Variants in TM7SF3 observed in about 807,000 individuals in gnomAD.
The protein encoded by TM7SF3 is transmembrane 7 superfamily member 3, also known as seven span transmembrane protein.
In TM7SF3, 60 loss-of-function variants were observed where a neutral mutation model predicts 65.5. That is an observed-to-expected ratio of 0.92 (90% CI 0.74 to 1.14). The LOEUF is 1.14. Among genes scored for constraint, TM7SF3 ranks in the 50% most tolerant of loss-of-function variants. The probability of loss-of-function intolerance (pLI) is 0.00; values close to 1 mark genes in which losing one functional copy is unlikely to be tolerated. For synonymous variants in TM7SF3, 264 were observed against 259.6 expected, an observed-to-expected ratio of 1.02 and a Z score of -0.16; for missense variants, 623 against 684.8, an observed-to-expected ratio of 0.91 and a Z score of 1.01.
intron 1 of TM7SF3, among the ~76,000 whole-genome samples, 196 bp downstream of exon 1, chr12:27,013,882 T>C (rs1054598169): frequency 1.3e-5 from 2 of 152,170 alleles, no homozygotes; most frequent in Non-Finnish European, 2.9e-5. Context: ...AGGAGGTTAA[T>C]AGTAAGACCT....
intron 1 of TM7SF3, among the ~76,000 whole-genome samples, chr12:27,010,894 G>T (rs1239171515): frequency 6.6e-6 from 1 of 151,804 alleles, no homozygotes; most frequent in Non-Finnish European, 1.5e-5. Context: ...TTTTCTTTCC[G>T]AATCAGATCC....
chr12:27,006,199 C>T lies in TM7SF3; in HGVS notation c.92-2809G>A, dbSNP rs368220431. ...CTGTCGCCAGGCTGGAGTGCAGTGG[C>T]GCAATCTTAGCTCACTGAAATCTCC... On this transcript the variant is annotated intron_variant, in intron 1 of 11. Transcript: ENST00000343028. 1.8e-4 allele frequency among the ~76,000 whole-genome samples: 25 copies of T among 136,022 alleles called. No homozygotes were observed. The South Asian group carries it at 5.3e-3, about 29-fold the overall frequency. 89.2% of individuals were successfully genotyped at this position (136,022 alleles called of 152,430 possible).
chr12:27,005,053 TATC>T (rs1299431707), intron 1 of TM7SF3, among the ~76,000 whole-genome samples: 5 of 152,238 alleles, frequency 3.3e-5, no homozygotes, highest in Non-Finnish European at 7.3e-5. Flanking sequence ...GCCTTCCCAT[TATC>T]ATGATTATTT....
At position 26,972,824 on chromosome 12, in the gene TM7SF3, A is replaced by T. The variant is rs1939414937; in HGVS notation, c.*1141T>A. The stretch of plus-strand genomic sequence containing the variant: ...ATATGTCATCTAATGCAGTTAAATT[A>T]AAGATCACCTGTTGACACTATTTGA... On this transcript the variant is annotated 3_prime_UTR_variant, in exon 12 of 12. Transcript: ENST00000343028. Among the ~76,000 whole-genome samples, 1 of 152,096 alleles carries T rather than the reference A, an allele frequency of 6.6e-6. No individual in the cohort carries two copies.
chr12:26,983,397 G>T, intron 6 of TM7SF3: 1 of 348,830 alleles, frequency 2.9e-6, no homozygotes, highest in Non-Finnish European at 5.7e-6. Context: ...TTAATTTGAT[G>T]CTATTAAAGA....
At chr12:26,976,002 C>T (rs1939547863) in intron 10 of TM7SF3, among the ~76,000 whole-genome samples, 1 of 152,172 alleles carries the variant, frequency 6.6e-6, no homozygotes, top group Admixed American at 6.5e-5. Context: ...GTAAGCACTA[C>T]CTTCTCTGCT....
rs1042145691 is a variant in TM7SF3 at position 26,973,074 on chromosome 12, A to T, written c.*891T>A. The T allele has an allele frequency of 4.6e-5, 7 of 152,154 alleles. No individual in the cohort carries two copies. In the East Asian group the frequency reaches 5.8e-4, roughly 13 times the overall value. 9.4% of individuals were successfully genotyped at this position (152,154 alleles called of 1,614,324 possible). On this transcript the variant is annotated 3_prime_UTR_variant, in exon 12 of 12. Coordinates refer to ENST00000343028, the MANE Select transcript of TM7SF3 (RefSeq NM_016551.3). ...TATTTTATCACAACTTAAAAATTTTAAAAAATACTGAAAAAAAAACAAAGG... is the reference window on the plus strand; with the variant it reads ...TATTTTATCACAACTTAAAAATTTTTAAAAATACTGAAAAAAAAACAAAGG...
intron 6 of TM7SF3, among the ~76,000 whole-genome samples, chr12:26,989,793 G>A (rs766578933): frequency 1.3e-5 from 2 of 151,910 alleles, no homozygotes; most frequent in African/African-American, 2.4e-5. Flanking sequence ...TCTTGCCTCC[G>A]TCTTTTCTCA....
At chr12:26,981,723 CA>C (rs772646779) in intron 7 of TM7SF3, among the ~76,000 whole-genome samples, 3 of 152,168 alleles carry the variant, frequency 2.0e-5, no homozygotes, top group Non-Finnish European at 4.4e-5. Flanking sequence ...ATCAGGATTA[CA>C]TTTGAGCTAC....
chr12:27,001,187 C>T (rs1011327902), intron 2 of TM7SF3, among the ~76,000 whole-genome samples: 3 of 152,264 alleles, frequency 2.0e-5, no homozygotes, highest in Middle Eastern at 3.4e-3. Context: ...CCACTCACTT[C>T]CTGAGCCATG....
At chr12:26,975,417 T>G in intron 11 of TM7SF3, 79 bp downstream of exon 11, 2 of 1,474,798 alleles carry the variant, frequency 1.4e-6, no homozygotes, top group South Asian at 2.5e-5. Flanking sequence ...AAATTTAGTT[T>G]CCAAGTGCTC....
chr12:27,011,924 T>C (rs1425812977), intron 1 of TM7SF3, among the ~76,000 whole-genome samples: 2 of 152,212 alleles, frequency 1.3e-5, no homozygotes, highest in Admixed American at 1.3e-4. Flanking sequence ...TTCTAGGTAT[T>C]AAATACTAAC....
intron 2 of TM7SF3, 100 bp downstream of exon 2, chr12:27,003,136 A>T (rs889556583): frequency 2.4e-6 from 2 of 831,594 alleles, no homozygotes; most frequent in Admixed American, 6.0e-5. Flanking sequence ...AAGATCATAA[A>T]CATAAAAGAG....
Position 26,978,744 on chromosome 12 carries a change from ATTT to A in TM7SF3, c.1189+1037_1189+1039del, listed in dbSNP as rs4036423. On this transcript the variant is annotated intron_variant, in intron 9 of 11. Coordinates refer to ENST00000343028, the MANE Select transcript of TM7SF3 (RefSeq NM_016551.3). ...AGGTGTGCACTACAACACCTGGCTAATTTTTTTTTTTTTTTTTTCAGTAGAGAT... is the reference window on the plus strand; with the variant it reads ...AGGTGTGCACTACAACACCTGGCTAATTTTTTTTTTTTTTTCAGTAGAGAT... 362 of 141,548 alleles carry A rather than the reference ATTT, an allele frequency of 2.6e-3. 2 individuals carry two copies. The highest frequency in any genetic ancestry group is 7.6e-3 in the East Asian group (37 of 4,894). 8.8% of individuals were successfully genotyped at this position (141,548 alleles called of 1,614,324 possible).
chr12:27,004,714 T>C (rs993614657), intron 1 of TM7SF3, among the ~76,000 whole-genome samples: 8 of 152,234 alleles, frequency 5.3e-5, no homozygotes, highest in Admixed American at 6.5e-5. Flanking sequence ...AACCTCTATA[T>C]ATTTTCCCTA....
chr12:26,985,019 A>G (rs1344858281), intron 6 of TM7SF3, among the ~76,000 whole-genome samples: 1 of 152,218 alleles, frequency 6.6e-6, no homozygotes, highest in Non-Finnish European at 1.5e-5. Context: ...TGAGAGTAAC[A>G]ATAGAACTAA....
At chr12:26,989,668 T>C (rs60281384) in intron 6 of TM7SF3, among the ~76,000 whole-genome samples, 33,288 of 150,574 alleles carry the variant, frequency 0.22, 3,816 homozygotes, top group East Asian at 0.39. Context: ...AACTGCTAAA[T>C]ACACACACAC....
In TM7SF3 at chr12:26,998,530, G is replaced by C. The variant is rs566843996; in HGVS notation, c.397+996C>G. 2.0e-5 allele frequency among the ~76,000 whole-genome samples: 3 copies of C among 152,186 alleles called. No homozygotes were observed. In the South Asian group the frequency reaches 6.2e-4, roughly 32 times the overall value. ...ATAACCCTGTTCCTACACCTATTTT[G>C]TATCACTATTTCCCTGCTGCCCAAA... On this transcript the variant is annotated intron_variant, in intron 3 of 11. Transcript: ENST00000343028.
At chr12:26,980,036 T>C in intron 8 of TM7SF3, 100 bp from the exon 9 acceptor site, 1 of 1,428,180 alleles carries the variant, frequency 7.0e-7, no homozygotes, top group Non-Finnish European at 9.6e-7. Flanking sequence ...TTCAGCTTTC[T>C]GTAGGTCAGG....
Sources: gnomAD v4.1 joint callset for allele counts (sites outside exome capture counted in the v4.1 genomes callset) on GRCh38, gnomAD v4.1.1 for gene constraint, MANE v1.5 for transcripts, NCBI Gene and HGNC (gene_info 2026-07-23, HGNC 2026-07-21) for gene names.